The following PPL variants were observed in gnomAD, a reference collection of about 807,000 sequenced individuals.
The protein encoded by PPL is periplakin.
In PPL, 198 loss-of-function variants were observed where a neutral mutation model predicts 194.4. That is an observed-to-expected ratio of 1.02 (90% CI 0.91 to 1.15). The LOEUF is 1.15. Ranked by LOEUF, PPL falls within the 50% of genes most tolerant of loss-of-function variation. PPL has a pLI of 0.00. For missense variants in PPL, 2,885 were observed against 2,294.8 expected (o/e 1.26, Z -5.25); for synonymous variants, 1,220 against 972.4 (o/e 1.25, Z -4.74).
Position 4,934,422 on chromosome 16 carries a change from C to T in PPL, c.62+2562G>A, listed in dbSNP as rs1285367387. 5.3e-5 allele frequency among the ~76,000 whole-genome samples: 8 copies of T among 152,148 alleles called. No homozygotes were observed. The East Asian group carries it at 1.5e-3, about 29-fold the overall frequency. On this transcript the variant is annotated intron_variant, in intron 1 of 21. Coordinates refer to ENST00000345988, the MANE Select transcript of PPL (RefSeq NM_002705.5). Reference sequence around the variant, plus strand: ...TGGGCTCGGAAAGGGCTGCTACCCTCATCCGGGCACCTCCTGTGTGCTACA... The same window carrying T: ...TGGGCTCGGAAAGGGCTGCTACCCTTATCCGGGCACCTCCTGTGTGCTACA...
At chr16:4,904,506 G>T (rs1020136674) in intron 2 of PPL, among the ~76,000 whole-genome samples, 7 of 152,184 alleles carry the variant, frequency 4.6e-5, no homozygotes, top group African/African-American at 1.7e-4. Flanking sequence ...ACCTACTTCA[G>T]CTCTGGTGGT....
At chr16:4,910,469 T>C (rs1221662236) in intron 2 of PPL, among the ~76,000 whole-genome samples, 1 of 152,034 alleles carries the variant, frequency 6.6e-6, no homozygotes, top group Non-Finnish European at 1.5e-5. Flanking sequence ...CTGGGCTGTT[T>C]CCATAGAGCC....
chr16:4,925,276 T>C (rs1042201261), intron 1 of PPL, among the ~76,000 whole-genome samples: 2 of 152,134 alleles, frequency 1.3e-5, no homozygotes, highest in Non-Finnish European at 2.9e-5. Flanking sequence ...CGGTGCCGAG[T>C]AGCCCTCTGC....
Position 4,884,264 on chromosome 16 carries a change from A to G in PPL, c.4391T>C (p.Leu1464Pro). Reference protein sequence around the residue: ...QQAREHALLRLQLEEEQHRRQ... With the variant: ...QQAREHALLRPQLEEEQHRRQ... ...CCGGTGCTGCTCTTCTTCCAGCTGG[A>G]GTCGGAGCAGGGCATGCTCTCGCGC... The change falls in exon 22 of 22, where the codon CTC becomes CCC. Residue 1464 changes from leucine (L) to proline (P), a missense_variant. By Grantham distance (98) the Leu-to-Pro change is moderately conservative. Transcript: ENST00000345988. The surrounding 1 kb of genome is among the most constrained non-coding windows in gnomAD (Gnocchi z 5.7). The G allele has an allele frequency of 1.2e-6, 2 of 1,613,034 alleles. No individual in the cohort carries two copies. The highest frequency in any genetic ancestry group is 1.7e-6 in the Non-Finnish European group (2 of 1,179,730).
At chr16:4,895,841 G>A in intron 9 of PPL, 125 bp from the exon 10 acceptor site, 1 of 1,353,602 alleles carries the variant, frequency 7.4e-7, no homozygotes. Context: ...TCCAGCATGG[G>A]ACCCTGTGCT....
intron 2 of PPL, among the ~76,000 whole-genome samples, chr16:4,908,992 T>C (rs2088761815): frequency 6.6e-6 from 1 of 152,166 alleles, no homozygotes; most frequent in Non-Finnish European, 1.5e-5. Context: ...ACAGGGGGCC[T>C]CAGATGGCAG....
Position 4,894,361 on chromosome 16 carries a change from C to T in PPL, c.1394+106G>A, listed in dbSNP as rs972250372. ...GTGCAGATGGAGAGTGTCAGCGACCCCGCGCTCCCCACAGGCTGAGTCCAA... is the reference window on the plus strand; with the variant it reads ...GTGCAGATGGAGAGTGTCAGCGACCTCGCGCTCCCCACAGGCTGAGTCCAA... On this transcript the variant is annotated intron_variant, in intron 12 of 21. Coordinates refer to ENST00000345988, the MANE Select transcript of PPL (RefSeq NM_002705.5). 9 of 1,431,202 alleles carry T rather than the reference C, an allele frequency of 6.3e-6. No individual in the cohort carries two copies. The African/African-American group carries it at 1.1e-4, about 18-fold the overall frequency. The allele number at this position is 1,431,202 out of a possible 1,614,324, so 88.7% of individuals were successfully genotyped here. A position where few individuals can be genotyped will look rare whatever the true frequency, so the allele number is the denominator to read the frequency against.
chr16:4,889,241 G>GTTTTTTTTTT (rs869094472), intron 18 of PPL, among the ~76,000 whole-genome samples, 180 bp from the exon 19 acceptor site: 3 of 66,630 alleles, frequency 4.5e-5, no homozygotes, highest in African/African-American at 2.3e-4. Context: ...TGTTGTTGTT[G>GTTTTTTTTTT]TTTTTTTTTT....
At position 4,888,862 on chromosome 16, in the gene PPL, C is replaced by T. The variant is rs114337183; in HGVS notation, c.2397+116G>A. ...GTTTGCACAGCAGCCGGCAGTGCCTCGGATGGCCAGCTCCACCCCCATGTG... is the reference window on the plus strand; with the variant it reads ...GTTTGCACAGCAGCCGGCAGTGCCTTGGATGGCCAGCTCCACCCCCATGTG... On this transcript the variant is annotated intron_variant, in intron 19 of 21. Transcript: ENST00000345988. 7.3e-4 allele frequency: 738 copies of T among 1,005,568 alleles called. 2 individuals carry two copies. In the African/African-American group the frequency reaches 9.7e-3, roughly 13 times the overall value. 62.3% of individuals were successfully genotyped at this position (1,005,568 alleles called of 1,614,324 possible).
intron 1 of PPL, among the ~76,000 whole-genome samples, chr16:4,929,013 TAAAA>T (rs1167603474): frequency 1.2e-4 from 2 of 17,142 alleles, no homozygotes. Context: ...AACTCTACCT[TAAAA>T]AAAAAAAAAA....
intron 11 of PPL, among the ~76,000 whole-genome samples, 171 bp from the exon 12 acceptor site, chr16:4,894,789 C>T (rs1361178965): frequency 6.6e-6 from 1 of 152,158 alleles, no homozygotes; most frequent in African/African-American, 2.4e-5. Context: ...TTGAGGCTGC[C>T]GGCCCAGCAA....
chr16:4,933,808 C>G lies in PPL; in HGVS notation c.62+3176G>C, dbSNP rs200695418. Among the ~76,000 whole-genome samples, 8 of 152,348 alleles carry G rather than the reference C, an allele frequency of 5.3e-5. No homozygotes were observed. In the East Asian group the frequency reaches 1.5e-3, roughly 29 times the overall value. On this transcript the variant is annotated intron_variant, in intron 1 of 21. Coordinates refer to ENST00000345988, the MANE Select transcript of PPL (RefSeq NM_002705.5). Reference sequence around the variant, plus strand: ...ACGTGCTAAAACCCAGCAACAGTGCCTATGGAATTGTGCAGTGCACAGCCT... The same window carrying G: ...ACGTGCTAAAACCCAGCAACAGTGCGTATGGAATTGTGCAGTGCACAGCCT...
chr16:4,893,963 C>T lies in PPL; in HGVS notation c.1395-325G>A, dbSNP rs58847986. On this transcript the variant is annotated intron_variant, in intron 12 of 21. Transcript: ENST00000345988. ...TAAATGAAGGCATTCCTTGAATGAT[C>T]CACTCATTCAGCAAGGAGTTCCTGG... is the stretch of plus-strand genomic sequence containing the variant. 2,797 of 402,946 alleles carry T rather than the reference C, an allele frequency of 6.9e-3. 78 individuals are homozygous for T. Among genetic ancestry groups the T allele is most frequent in the African/African-American group, 0.051 (2,514 of 49,264 alleles). 25.0% of individuals were successfully genotyped at this position (402,946 alleles called of 1,614,324 possible).
chr16:4,914,822 A>G (rs1332333052), intron 1 of PPL, among the ~76,000 whole-genome samples: 1 of 152,058 alleles, frequency 6.6e-6, no homozygotes, highest in Non-Finnish European at 1.5e-5. Flanking sequence ...GGCTTCTAGA[A>G]CAGCCAGGTC....
At position 4,884,076 on chromosome 16, in the gene PPL, TCTC is replaced by T. The variant is rs1162666727; in HGVS notation, c.4576_4578del (p.Glu1526del). On this transcript the variant is annotated inframe_deletion, in exon 22 of 22. Transcript: ENST00000345988. This position sits in a 1 kb window ranked among gnomAD's most constrained non-coding sequence, Gnocchi z 5.7. ...ACGTCCAGCTCGCGCTTGCTGCGGC[TCTC>T]CTCCTCCAGGCTGCTCTTGAGCCTC... is the stretch of plus-strand genomic sequence containing the variant. 1.1e-5 allele frequency: 17 copies of T among 1,612,840 alleles called. No homozygotes were observed. The highest frequency in any genetic ancestry group is 8.0e-5 in the African/African-American group (6 of 74,816).
intron 1 of PPL, among the ~76,000 whole-genome samples, chr16:4,923,521 T>A (rs939935603): frequency 8.6e-5 from 13 of 151,862 alleles, no homozygotes; most frequent in African/African-American, 3.1e-4. Context: ...TGGGTGGGGG[T>A]GGCTTCAAGA....
Position 4,911,649 on chromosome 16 carries a change from C to G in PPL, c.63-700G>C, listed in dbSNP as rs181459446. On this transcript the variant is annotated intron_variant, in intron 1 of 21. Coordinates refer to ENST00000345988, the MANE Select transcript of PPL (RefSeq NM_002705.5). ...TCCCAGGCTCAAGCAATCCTCCTAG[C>G]CCAGCCTCCCAAGTAGCTGGGACTA... 1.4e-4 allele frequency among the ~76,000 whole-genome samples: 21 copies of G among 152,276 alleles called. No individual in the cohort carries two copies. In the South Asian group the frequency reaches 4.4e-3, roughly 32 times the overall value.
chr16:4,903,854 C>G (rs1244139327), intron 3 of PPL, 32 bp downstream of exon 3: 1 of 1,610,586 alleles, frequency 6.2e-7, no homozygotes, highest in Non-Finnish European at 8.5e-7. Context: ...CCCCCAATGG[C>G]TCCCCTGGGG....
chr16:4,885,212 T>C lies in PPL; in HGVS notation c.3443A>G (p.Gln1148Arg). ...TCGGAGCAGCTCCGTCTTCTCCCTC[T>C]GGCTAGCGCGAGCCTTGGCAGCCTC... is the stretch of plus-strand genomic sequence containing the variant. Reference protein sequence around the residue: ...EDEAAKARASQREKTELLRKI... With the variant: ...EDEAAKARASRREKTELLRKI... Residue 1148 changes from glutamine to arginine, a missense_variant, in exon 22 of 22, where the codon CAG (glutamine) becomes CGG (arginine). By Grantham distance (43) the Gln-to-Arg change is conservative (BLOSUM62 1). Transcript: ENST00000345988. This position sits in a 1 kb window ranked among gnomAD's most constrained non-coding sequence, Gnocchi z 6.3. 1 of 1,614,068 alleles carries C rather than the reference T, an allele frequency of 6.2e-7. No individual in the cohort carries two copies. The highest frequency in any genetic ancestry group is 8.5e-7 in the Non-Finnish European group (1 of 1,180,026).
Sources: gnomAD v4.1 joint callset for allele counts (sites outside exome capture counted in the v4.1 genomes callset) on GRCh38, gnomAD v4.1.1 for gene constraint, Gnocchi (gnomAD v3.1) non-coding constraint, MANE v1.5 for transcripts, NCBI Gene and HGNC (gene_info 2026-07-23, HGNC 2026-07-21) for gene names.